The following SP3 variants were observed in gnomAD, a reference collection of about 807,000 sequenced individuals.
The protein encoded by SP3 is transcription factor Sp3.
SP3 carries 10 observed loss-of-function variants against 70.3 expected under a neutral mutation model. The ratio of observed to expected loss-of-function variants is 0.14; its 90% CI spans 0.09 to 0.24. The LOEUF is 0.24. Ranked by LOEUF, SP3 falls within the 10% of genes least tolerant of loss-of-function variation. The pLI, the probability that SP3 is intolerant of heterozygous loss-of-function variation, is 1.00. For synonymous variants in SP3, 402 were observed against 333.5 expected (o/e 1.21, Z -2.24); for missense variants, 825 against 914.6 (o/e 0.90, Z 1.26).
chr2:173,921,346 T>G (rs1689748126), intron 4 of SP3, among the ~76,000 whole-genome samples: 2 of 152,206 alleles, frequency 1.3e-5, no homozygotes, highest in African/African-American at 4.8e-5. Flanking sequence ...ATGGCTACGA[T>G]GTGCCAGTCA....
In SP3 at chr2:173,930,723, G is replaced by A. The variant is rs181071459; in HGVS notation, c.1640-11938C>T. The stretch of plus-strand genomic sequence containing the variant: ...AGCATCTAACATCAGTTTCCTTGCT[G>A]CCTGATCCTCAGGCCAATGCCACAG... On this transcript the variant is annotated intron_variant, in intron 4 of 6. Coordinates refer to ENST00000310015, the MANE Select transcript of SP3 (RefSeq NM_003111.5). 1.6e-3 allele frequency among the ~76,000 whole-genome samples: 245 copies of A among 152,220 alleles called. 1 individual carries two copies. Among genetic ancestry groups the A allele is most frequent in the Middle Eastern group, 6.8e-3 (2 of 294 alleles).
At chr2:173,964,986 G>C (rs1175987870) in intron 1 of SP3, 179 bp downstream of exon 1, 1 of 783,246 alleles carries the variant, frequency 1.3e-6, no homozygotes, top group African/African-American at 1.9e-5. Context: ...GGGCTTCGGG[G>C]GTGGACGGTG....
At position 173,918,635 on chromosome 2, in the gene SP3, C is replaced by T. The variant is rs1408474243; in HGVS notation, c.1790G>A (p.Arg597Lys). The change falls in exon 5 of 7, where the codon AGG (arginine) becomes AAG (lysine). Residue 597 changes from arginine (R) to lysine (K), a missense_variant. Arg to Lys is a conservative substitution (Grantham distance 26, BLOSUM62 2). Coordinates refer to ENST00000310015, the MANE Select transcript of SP3 (RefSeq NM_003111.5). ...ACAGTTGGGACAGGTGCAAGCTACC[C>T]TCCGAAGTCTTTTTCCTTCTTGATG... is the stretch of plus-strand genomic sequence containing the variant. ...QQHQEGKRLR[R>K]VACTCPNCKE... The T allele has an allele frequency of 6.2e-7, 1 of 1,613,662 alleles. No homozygotes were observed. Among genetic ancestry groups the T allele is most frequent in the Non-Finnish European group, 8.5e-7 (1 of 1,179,692 alleles).
Position 173,908,686 on chromosome 2 carries a change from T to C in SP3, c.*1255A>G, listed in dbSNP as rs1689392564. On this transcript the variant is annotated 3_prime_UTR_variant, in exon 7 of 7. Transcript: ENST00000310015. ...ATAGGTGAACTGCTGCAGTTACAGG[T>C]ATACATTTAGGAAAACTGTATAGCT... The C allele has an allele frequency of 6.6e-6, 1 of 152,468 alleles. No homozygotes were observed. Among genetic ancestry groups the C allele is most frequent in the Non-Finnish European group, 1.5e-5 (1 of 67,898 alleles). The allele number at this position is 152,468 out of a possible 1,614,324, so 9.4% of individuals were successfully genotyped here. A position where few individuals can be genotyped will look rare whatever the true frequency, so the allele number is the denominator to read the frequency against.
At chr2:173,964,109 C>T in intron 2 of SP3, 1 of 350,800 alleles carries the variant, frequency 2.9e-6, no homozygotes, top group Non-Finnish European at 5.1e-6. Context: ...CGCGGGCAGG[C>T]GGGCGGCGGG....
intron 3 of SP3, among the ~76,000 whole-genome samples, chr2:173,961,943 T>TTTTG (rs1559112124): frequency 6.7e-5 from 10 of 150,242 alleles, no homozygotes; most frequent in African/African-American, 2.4e-4. Context: ...GGGTTTTTTT[T>TTTTG]TTTTTTTTTT....
intron 4 of SP3, among the ~76,000 whole-genome samples, chr2:173,925,284 G>A (rs947036790): frequency 1.3e-5 from 2 of 152,128 alleles, no homozygotes; most frequent in Non-Finnish European, 2.9e-5. Flanking sequence ...GCTACAACAC[G>A]GATGAACCTC....
chr2:173,964,417 TGCC>T lies in SP3; in HGVS notation c.141_143del (p.Ala51del). The T allele has an allele frequency of 1.4e-6, 1 of 721,064 alleles. No individual in the cohort carries two copies. The highest frequency in any genetic ancestry group is 1.4e-5 in the South Asian group (1 of 69,030). The allele number at this position is 721,064 out of a possible 1,614,324, so 44.7% of individuals were successfully genotyped here. On this transcript the variant is annotated inframe_deletion, in exon 2 of 7. Coordinates refer to ENST00000310015, the MANE Select transcript of SP3 (RefSeq NM_003111.5). ...AGCCGCTCCTCACCTGGGCCGCCGC[TGCC>T]GCCGCCACCGCACCGTTTCCGTGCT...
chr2:173,965,117 A>AGCGGCG lies in SP3; in HGVS notation c.7+42_7+47dup, dbSNP rs771317958. 5 of 1,542,314 alleles carry AGCGGCG rather than the reference A, an allele frequency of 3.2e-6. No individual in the cohort carries two copies. The African/African-American group carries it at 4.2e-5, about 13-fold the overall frequency. On this transcript the variant is annotated intron_variant, in intron 1 of 6. Transcript: ENST00000310015. ...CCCCGGGCTGGCTGTGGTCGGCGGC[A>AGCGGCG]GCGGCGGCGGCGGCAGCAGCAAGGG...
intron 4 of SP3, among the ~76,000 whole-genome samples, chr2:173,925,947 T>TA (rs1689898775): frequency 6.6e-6 from 1 of 152,238 alleles, no homozygotes; most frequent in Admixed American, 6.5e-5. Context: ...TGATCTGCTA[T>TA]AAGCAGCTGT....
intron 4 of SP3, among the ~76,000 whole-genome samples, chr2:173,929,809 AG>A (rs1330179586): frequency 6.6e-6 from 1 of 152,220 alleles, no homozygotes; most frequent in Non-Finnish European, 1.5e-5. Context: ...CAGATAGGTC[AG>A]GGAGGTATGG....
intron 4 of SP3, among the ~76,000 whole-genome samples, chr2:173,945,763 G>A (rs917556329): frequency 5.9e-5 from 9 of 152,148 alleles, no homozygotes; most frequent in Admixed American, 3.3e-4. Flanking sequence ...AGGGGTCTCA[G>A]ATCACACACT....
Position 173,965,272 on chromosome 2 carries a change from C to G in SP3, c.-101G>C, listed in dbSNP as rs981953618. On this transcript the variant is annotated 5_prime_UTR_variant, in exon 1 of 7. Coordinates refer to ENST00000310015, the MANE Select transcript of SP3 (RefSeq NM_003111.5). ...AGAGGATGCGGGAAGCGGCGGCGGACACGGCCGGAGCGGTCCGGGGATTTT... is the reference window on the plus strand; with the variant it reads ...AGAGGATGCGGGAAGCGGCGGCGGAGACGGCCGGAGCGGTCCGGGGATTTT... 1.4e-6 allele frequency: 2 copies of G among 1,379,376 alleles called. No individual in the cohort carries two copies. Among genetic ancestry groups the G allele is most frequent in the East Asian group, 2.5e-5 (1 of 39,622 alleles). 85.4% of individuals were successfully genotyped at this position (1,379,376 alleles called of 1,614,324 possible).
chr2:173,947,627 T>C (rs1012694774), intron 4 of SP3, among the ~76,000 whole-genome samples: 5 of 152,228 alleles, frequency 3.3e-5, no homozygotes, highest in African/African-American at 4.8e-5. Context: ...TCACTGACAA[T>C]TGCAAGCATA....
intron 4 of SP3, among the ~76,000 whole-genome samples, chr2:173,951,271 ACTCAAACCTTTTAGT>A (rs1390946302): frequency 2.6e-5 from 4 of 152,210 alleles, no homozygotes; most frequent in African/African-American, 4.8e-5. Flanking sequence ...CTGTCACTTA[ACTCAAACCTTTTAGT>A]CTCAGAACTC....
chr2:173,916,889 A>G (rs1443281514), intron 5 of SP3: 1 of 152,126 alleles, frequency 6.6e-6, no homozygotes, highest in Non-Finnish European at 1.5e-5. Flanking sequence ...AATACAACAG[A>G]ATACTATACA....
rs760981804 is a variant in SP3, at chr2:173,955,855, T to C, written c.657A>G (p.Thr219=). 5 of 1,614,212 alleles carry C rather than the reference T, an allele frequency of 3.1e-6. No homozygotes were observed. Among genetic ancestry groups the C allele is most frequent in the Non-Finnish European group, 4.2e-6 (5 of 1,180,024 alleles). ...GSNQTLLASG[T]PSANIQNLIP... is the part of the protein sequence containing the mutation. The stretch of plus-strand genomic sequence containing the variant: ...TGAGATTCTGGATGTTAGCAGAAGG[T>C]GTTCCAGAGGCAAGTAAGGTTTGAT... The change falls in exon 4 of 7, where the codon ACA becomes ACG. Residue 219 remains threonine, a synonymous_variant. Transcript: ENST00000310015.
At chr2:173,941,056 T>A (rs1348138270) in intron 4 of SP3, among the ~76,000 whole-genome samples, 1 of 151,708 alleles carries the variant, frequency 6.6e-6, no homozygotes, top group Non-Finnish European at 1.5e-5. Context: ...GGCGAGATTC[T>A]TAGAAAACCA....
Position 173,965,243 on chromosome 2 carries a change from C to G in SP3, c.-72G>C. On this transcript the variant is annotated 5_prime_UTR_variant, in exon 1 of 7. Transcript: ENST00000310015. ...TGGTGAGGAGCGAAGGCGGCGGCGG[C>G]GGGAGAGGATGCGGGAAGCGGCGGC... The G allele has an allele frequency of 6.6e-7, 1 of 1,519,000 alleles. No homozygotes were observed. The highest frequency in any genetic ancestry group is 8.9e-7 in the Non-Finnish European group (1 of 1,122,776). The allele number at this position is 1,519,000 out of a possible 1,614,324, so 94.1% of individuals were successfully genotyped here.
Sources: allele counts gnomAD v4.1 joint callset (sites outside exome capture counted in the v4.1 genomes callset), GRCh38; gene constraint gnomAD v4.1.1; transcripts MANE v1.5; gene names NCBI Gene and HGNC (gene_info 2026-07-23, HGNC 2026-07-21).